Variants in EPHA3 observed in about 807,000 individuals in gnomAD.
EPHA3 encodes ephrin type-A receptor 3.
A neutral mutation model predicts 107.1 loss-of-function variants in EPHA3; 42 were observed. The observed-to-expected ratio is 0.39, with a 90% confidence interval of 0.31 to 0.51. EPHA3 has a LOEUF of 0.51. Ranked by LOEUF, EPHA3 falls within the 20% of genes least tolerant of loss-of-function variation. The probability of loss-of-function intolerance (pLI) is 0.78; values close to 1 mark genes in which losing one functional copy is unlikely to be tolerated. For missense variants in EPHA3, 1,183 were observed against 1,211.2 expected (o/e 0.98, Z 0.35); for synonymous variants, 461 against 424.8 (o/e 1.09, Z -1.05).
At chr3:89,446,627 C>T (rs1370355449) in intron 13 of EPHA3, among the ~76,000 whole-genome samples, 4 of 152,050 alleles carry the variant, frequency 2.6e-5, no homozygotes, top group African/African-American at 9.6e-5. Context: ...CATGGTAAGG[C>T]AACAAATATC....
intron 7 of EPHA3, among the ~76,000 whole-genome samples, chr3:89,403,834 A>T (rs1022761163): frequency 2.6e-5 from 4 of 152,220 alleles, no homozygotes; most frequent in African/African-American, 9.6e-5. Flanking sequence ...ATAACTCATG[A>T]GATTTTAATG....
chr3:89,206,786 T>C (rs1706117839), intron 2 of EPHA3, among the ~76,000 whole-genome samples: 1 of 152,190 alleles, frequency 6.6e-6, no homozygotes, highest in Admixed American at 6.5e-5. Flanking sequence ...GTATATTACA[T>C]ACATATAGAG....
In EPHA3 at chr3:89,369,716, G is replaced by A. The variant is rs569859517; in HGVS notation, c.1307-26121G>A. Among the ~76,000 whole-genome samples the A allele has an allele frequency of 2.7e-5, 4 of 148,066 alleles. No individual in the cohort carries two copies. The South Asian group carries it at 8.5e-4, about 32-fold the overall frequency. On this transcript the variant is annotated intron_variant, in intron 5 of 16. Transcript: ENST00000336596. ...AAAGAAACTACCATCAGAGTGAACAGGCAACCTACAAAATGGGAGAAAATT... is the reference window on the plus strand; with the variant it reads ...AAAGAAACTACCATCAGAGTGAACAAGCAACCTACAAAATGGGAGAAAATT...
intron 5 of EPHA3, among the ~76,000 whole-genome samples, chr3:89,368,522 A>C (rs1708226913): frequency 6.6e-6 from 1 of 150,592 alleles, no homozygotes; most frequent in Admixed American, 6.7e-5. Flanking sequence ...CAGGGGAGTC[A>C]ATAGTATAAC....
intron 3 of EPHA3, among the ~76,000 whole-genome samples, chr3:89,237,286 C>T (rs1314918495): frequency 2.0e-4 from 31 of 152,148 alleles, no homozygotes; most frequent in Admixed American, 4.6e-4. Context: ...GCATGAGAAT[C>T]GCTCGAACCA....
At chr3:89,251,969 G>A (rs1308597148) in intron 3 of EPHA3, among the ~76,000 whole-genome samples, 1 of 152,036 alleles carries the variant, frequency 6.6e-6, no homozygotes. Flanking sequence ...AATGGAACAA[G>A]CATGGATAAA....
intron 2 of EPHA3, among the ~76,000 whole-genome samples, chr3:89,195,021 T>A (rs918443587): frequency 6.6e-6 from 1 of 152,120 alleles, no homozygotes; most frequent in Non-Finnish European, 1.5e-5. Flanking sequence ...TTCCGACATT[T>A]CATTTTTCTT....
rs771704299 is a variant in EPHA3, at chr3:89,479,379, T to G, written c.2847-18T>G. The G allele has an allele frequency of 1.9e-5, 30 of 1,603,100 alleles. No individual in the cohort carries two copies. Among genetic ancestry groups the G allele is most frequent in the Non-Finnish European group, 2.6e-5 (30 of 1,170,132 alleles). ...CTATCGAGGAAACCGATTCTTATAT[T>G]GTTTTCTTTTTTTACAGTGACATGA... On this transcript the variant is annotated intron_variant, in intron 16 of 16. Coordinates refer to ENST00000336596, the MANE Select transcript of EPHA3 (RefSeq NM_005233.6).
chr3:89,170,575 T>C (rs1371573523), intron 2 of EPHA3, among the ~76,000 whole-genome samples: 1 of 152,138 alleles, frequency 6.6e-6, no homozygotes, highest in African/African-American at 2.4e-5. Context: ...CTTCTACACT[T>C]TTCTTCTGAG....
intron 3 of EPHA3, among the ~76,000 whole-genome samples, chr3:89,327,516 C>G (rs1707191281): frequency 6.6e-6 from 1 of 152,074 alleles, no homozygotes; most frequent in Admixed American, 6.6e-5. Context: ...GGTACAGACT[C>G]TATCATGTGT....
chr3:89,200,708 G>A (rs1705948566), intron 2 of EPHA3, among the ~76,000 whole-genome samples: 1 of 152,216 alleles, frequency 6.6e-6, no homozygotes, highest in Non-Finnish European at 1.5e-5. Context: ...ACACTGATGA[G>A]AAATAAATGT....
At chr3:89,451,399 G>A (rs540237304) in intron 15 of EPHA3, among the ~76,000 whole-genome samples, 7 of 152,148 alleles carry the variant, frequency 4.6e-5, no homozygotes, top group African/African-American at 1.7e-4. Context: ...TAAAGGCAAA[G>A]ATATCTTGTT....
In EPHA3 at chr3:89,316,510, ATATAT is replaced by A. The variant is rs1559644350; in HGVS notation, c.815-24405_815-24401del. 5.6e-3 allele frequency among the ~76,000 whole-genome samples: 505 copies of A among 90,122 alleles called. 2 individuals carry two copies. The highest frequency in any genetic ancestry group is 0.021 in the African/African-American group (481 of 22,972). 59.1% of individuals were successfully genotyped at this position (90,122 alleles called of 152,430 possible). On this transcript the variant is annotated intron_variant, in intron 3 of 16. Transcript: ENST00000336596. The stretch of plus-strand genomic sequence containing the variant: ...GTGTGTGTGTGTGTGTGTGTAATAT[ATATAT>A]ATATATATATATATATATATATATA...
At chr3:89,331,541 C>T (rs1344472071) in intron 3 of EPHA3, among the ~76,000 whole-genome samples, 1 of 152,064 alleles carries the variant, frequency 6.6e-6, no homozygotes. Context: ...TAGTGTTGCT[C>T]ATATAACTTT....
intron 15 of EPHA3, among the ~76,000 whole-genome samples, chr3:89,455,570 G>A (rs1710080009): frequency 6.6e-6 from 1 of 152,182 alleles, no homozygotes; most frequent in African/African-American, 2.4e-5. Flanking sequence ...TGATTTATAT[G>A]ACTGCTTTGT....
chr3:89,478,725 T>C (rs1200035484), intron 16 of EPHA3, among the ~76,000 whole-genome samples: 1 of 152,174 alleles, frequency 6.6e-6, no homozygotes, highest in African/African-American at 2.4e-5. Flanking sequence ...CGTACTCTGT[T>C]AGCTGAAGCA....
chr3:89,190,857 A>C (rs1344332950), intron 2 of EPHA3, among the ~76,000 whole-genome samples: 2 of 152,060 alleles, frequency 1.3e-5, no homozygotes, highest in Admixed American at 1.3e-4. Context: ...TCCTCTTCTT[A>C]TAAGGCCTCC....
chr3:89,382,770 G>A (rs1708538031), intron 5 of EPHA3, among the ~76,000 whole-genome samples: 1 of 152,108 alleles, frequency 6.6e-6, no homozygotes, highest in African/African-American at 2.4e-5. Context: ...ATTGCTTGCT[G>A]GAAGTTAAGA....
chr3:89,156,116 T>C (rs930151338), intron 2 of EPHA3, among the ~76,000 whole-genome samples: 2 of 152,028 alleles, frequency 1.3e-5, no homozygotes, highest in African/African-American at 4.8e-5. Flanking sequence ...TGAGAGTGTT[T>C]TATGAATGAA....
Sources: gnomAD v4.1 joint callset for allele counts (sites outside exome capture counted in the v4.1 genomes callset) on GRCh38, gnomAD v4.1.1 for gene constraint, MANE v1.5 for transcripts, NCBI Gene and HGNC (gene_info 2026-07-23, HGNC 2026-07-21) for gene names.